Variants in UBE2E2 observed in about 807,000 individuals in gnomAD.
The protein encoded by UBE2E2 is ubiquitin-conjugating enzyme E2 E2.
Under a neutral mutation model 24.7 loss-of-function variants are expected in UBE2E2, and 6 were observed. The ratio of observed to expected loss-of-function variants is 0.24; its 90% CI spans 0.13 to 0.48. UBE2E2 has a LOEUF of 0.48. UBE2E2 is among the 20% of genes least tolerant of loss of function. The pLI is 0.99. For synonymous variants in UBE2E2, 104 were observed against 83.6 expected (o/e 1.24, Z -1.33); for missense variants, 169 against 245.0 (o/e 0.69, Z 2.07).
chr3:23,454,880 A>G (rs574375255), intron 3 of UBE2E2, among the ~76,000 whole-genome samples: 2 of 152,250 alleles, frequency 1.3e-5, no homozygotes, highest in Non-Finnish European at 2.9e-5. Flanking sequence ...TGCATAGAAA[A>G]TGTTAGGAAT....
chr3:23,222,316 G>A (rs145630850), intron 3 of UBE2E2, among the ~76,000 whole-genome samples: 215 of 152,280 alleles, frequency 1.4e-3, no homozygotes, highest in African/African-American at 4.8e-3. Flanking sequence ...ACATGGAGGT[G>A]CAGATATCTC....
chr3:23,398,042 G>A (rs1367607299), intron 3 of UBE2E2, among the ~76,000 whole-genome samples: 2 of 152,120 alleles, frequency 1.3e-5, no homozygotes, highest in African/African-American at 2.4e-5. Flanking sequence ...GCCAGGCGCG[G>A]TGGCTCACAC....
intron 4 of UBE2E2, among the ~76,000 whole-genome samples, chr3:23,506,277 T>A (rs571754796): frequency 2.4e-4 from 37 of 152,186 alleles, no homozygotes; most frequent in Non-Finnish European, 5.3e-4. Flanking sequence ...CTATTTGACA[T>A]CTCTAGTTGA....
rs1477986271 is a variant in UBE2E2, at chr3:23,267,492, A to C, written c.227+50180A>C. Among the ~76,000 whole-genome samples the C allele has an allele frequency of 2.0e-5, 3 of 152,226 alleles. 1 individual carries two copies. The highest frequency in any genetic ancestry group is 4.1e-4 in the South Asian group (2 of 4,836). On this transcript the variant is annotated intron_variant, in intron 3 of 5. Coordinates refer to ENST00000396703, the MANE Select transcript of UBE2E2 (RefSeq NM_152653.4). ...AATTCCTCGACACATACACCATCCC[A>C]AGACTAAACCAGGAAGAAGTTGAAT... is the stretch of plus-strand genomic sequence containing the variant.
chr3:23,585,512 C>T (rs1265931713), intron 5 of UBE2E2, among the ~76,000 whole-genome samples: 1 of 152,086 alleles, frequency 6.6e-6, no homozygotes, highest in African/African-American at 2.4e-5. Flanking sequence ...CCTCAGGAAA[C>T]CTCTAATACA....
At chr3:23,470,631 A>G (rs952363125) in intron 3 of UBE2E2, among the ~76,000 whole-genome samples, 23 of 152,216 alleles carry the variant, frequency 1.5e-4, no homozygotes, top group African/African-American at 5.5e-4. Flanking sequence ...ATTTGTTCCA[A>G]GTAAATACTT....
At chr3:23,565,444 CTTTTTTT>C (rs574461544) in intron 5 of UBE2E2, among the ~76,000 whole-genome samples, 2 of 46,234 alleles carry the variant, frequency 4.3e-5, no homozygotes, top group African/African-American at 9.4e-5. Flanking sequence ...ATAGGCATGG[CTTTTTTT>C]TTTTTTTTTT....
At chr3:23,330,448 AG>A (rs1445432069) in intron 3 of UBE2E2, among the ~76,000 whole-genome samples, 5 of 152,214 alleles carry the variant, frequency 3.3e-5, no homozygotes, top group African/African-American at 1.2e-4. Context: ...TATAGGAGGT[AG>A]GTGACAGCTG....
intron 4 of UBE2E2, among the ~76,000 whole-genome samples, chr3:23,521,761 A>G (rs551864035): frequency 6.6e-6 from 1 of 152,200 alleles, no homozygotes; most frequent in African/African-American, 2.4e-5. Flanking sequence ...TATATTTTAT[A>G]TGTAGCTCAA....
At chr3:23,356,016 A>T (rs566599417) in intron 3 of UBE2E2, among the ~76,000 whole-genome samples, 4 of 152,334 alleles carry the variant, frequency 2.6e-5, no homozygotes, top group African/African-American at 9.6e-5. Flanking sequence ...AAAGCTAGAA[A>T]TACAGATCTG....
chr3:23,566,371 T>C (rs1696072668), intron 5 of UBE2E2, among the ~76,000 whole-genome samples: 7 of 152,176 alleles, frequency 4.6e-5, no homozygotes. Flanking sequence ...AAGAGCGAAG[T>C]TGTGTAACCA....
intron 5 of UBE2E2, among the ~76,000 whole-genome samples, chr3:23,542,113 G>A (rs996086949): frequency 2.0e-5 from 3 of 152,122 alleles, no homozygotes; most frequent in Admixed American, 6.6e-5. Flanking sequence ...GAATAACCCC[G>A]CATCACTGGG....
intron 5 of UBE2E2, among the ~76,000 whole-genome samples, chr3:23,566,452 T>C (rs545856336): frequency 6.6e-6 from 1 of 152,298 alleles, no homozygotes; most frequent in East Asian, 1.9e-4. Context: ...TCCAGACATG[T>C]GTTAGTCCAT....
At chr3:23,227,988 AG>A (rs1420198868) in intron 3 of UBE2E2, among the ~76,000 whole-genome samples, 3 of 152,214 alleles carry the variant, frequency 2.0e-5, no homozygotes, top group Non-Finnish European at 2.9e-5. Context: ...GGGCTTTAAA[AG>A]GCTGGCTGCT....
At chr3:23,206,359 A>C (rs1439132395) in intron 1 of UBE2E2, among the ~76,000 whole-genome samples, 2 of 152,266 alleles carry the variant, frequency 1.3e-5, no homozygotes, top group Non-Finnish European at 2.9e-5. Flanking sequence ...GAAAAAAAGC[A>C]AGAAATATGT....
chr3:23,434,961 A>T (rs1397956582), intron 3 of UBE2E2, among the ~76,000 whole-genome samples: 1 of 152,232 alleles, frequency 6.6e-6, no homozygotes, highest in East Asian at 1.9e-4. Context: ...ATCAAATTAC[A>T]GTTCAACCAA....
chr3:23,217,948 T>A (rs1306508416), intron 3 of UBE2E2, among the ~76,000 whole-genome samples: 1 of 152,128 alleles, frequency 6.6e-6, no homozygotes, highest in Non-Finnish European at 1.5e-5. Flanking sequence ...ACCTCTTACC[T>A]TATGCTGCTG....
At chr3:23,334,489 A>C (rs1372560693) in intron 3 of UBE2E2, among the ~76,000 whole-genome samples, 1 of 152,218 alleles carries the variant, frequency 6.6e-6, no homozygotes, top group East Asian at 1.9e-4. Flanking sequence ...AGAGGCTAGT[A>C]TATTTATATT....
intron 3 of UBE2E2, among the ~76,000 whole-genome samples, chr3:23,343,263 A>C (rs139159029): frequency 1.9e-3 from 283 of 152,230 alleles, no homozygotes; most frequent in Middle Eastern, 3.4e-3. Flanking sequence ...GCAAGACTGA[A>C]TATGTAGTAT....
Sources: allele counts gnomAD v4.1 joint callset (sites outside exome capture counted in the v4.1 genomes callset), GRCh38; gene constraint gnomAD v4.1.1; transcripts MANE v1.5; gene names NCBI Gene and HGNC (gene_info 2026-07-23, HGNC 2026-07-21).